The following DIP2C variants were observed in gnomAD, a reference collection of about 807,000 sequenced individuals.
The protein encoded by DIP2C is DIP2 acetate--CoA ligase C (putative), also known as disco-interacting protein 2 homolog C.
DIP2C carries 33 observed loss-of-function variants against 192.4 expected under a neutral mutation model. That is an observed-to-expected ratio of 0.17 (90% CI 0.13 to 0.23). The LOEUF (loss-of-function observed/expected upper bound fraction) is 0.23, where lower values mean the gene tolerates loss of function less well. Ranked by LOEUF, DIP2C falls within the 10% of genes least tolerant of loss-of-function variation. The pLI is 1.00. For synonymous variants in DIP2C, 979 were observed against 864.1 expected (o/e 1.13, Z -2.33); for missense variants, 1,537 against 2,110.1 (o/e 0.73, Z 5.32).
At chr10:505,152 C>T (rs1286986758) in intron 1 of DIP2C, among the ~76,000 whole-genome samples, 3 of 152,154 alleles carry the variant, frequency 2.0e-5, no homozygotes, top group Non-Finnish European at 4.4e-5. Context: ...AAAACGGCAA[C>T]GGGTCCAGTC....
At chr10:526,626 T>C (rs1052674790) in intron 1 of DIP2C, among the ~76,000 whole-genome samples, 13 of 152,180 alleles carry the variant, frequency 8.5e-5, no homozygotes, top group Non-Finnish European at 1.8e-4. Context: ...TTTGAAGAGA[T>C]GGCAGCACGT....
At chr10:316,375 C>T (rs866830116) in intron 31 of DIP2C, among the ~76,000 whole-genome samples, 1 of 152,220 alleles carries the variant, frequency 6.6e-6, no homozygotes, top group Non-Finnish European at 1.5e-5. Flanking sequence ...CTATGCTTCA[C>T]GGCGAGAGAT....
chr10:396,868 C>G (rs550255731), intron 10 of DIP2C, among the ~76,000 whole-genome samples: 1 of 149,858 alleles, frequency 6.7e-6, no homozygotes, highest in African/African-American at 2.5e-5. Flanking sequence ...GGGGGGGAAA[C>G]TGGCATTCTC....
chr10:504,119 C>T (rs1353335090), intron 1 of DIP2C, among the ~76,000 whole-genome samples: 1 of 152,232 alleles, frequency 6.6e-6, no homozygotes, highest in Non-Finnish European at 1.5e-5. Flanking sequence ...CAGCCTTCAA[C>T]CTAACTGCCT....
Position 504,940 on chromosome 10 carries a change from CAT to C in DIP2C, c.86-18412_86-18411del, listed in dbSNP as rs568424951. Among the ~76,000 whole-genome samples the C allele has an allele frequency of 9.6e-4, 146 of 152,294 alleles. 2 individuals carry two copies. Among genetic ancestry groups the C allele is most frequent in the South Asian group, 8.3e-4 (4 of 4,822 alleles). ...ATTTCTCAACACTCCAAGCTGTTTC[CAT>C]ATGAGCTCATGTGACTCTCAGTGCT... On this transcript the variant is annotated intron_variant, in intron 1 of 36. Transcript: ENST00000280886.
chr10:356,302 A>C (rs761926815), intron 24 of DIP2C, 124 bp downstream of exon 24: 1 of 1,153,486 alleles, frequency 8.7e-7, no homozygotes, highest in Non-Finnish European at 1.3e-6. Context: ...AAAATAGCAA[A>C]ACATAAAAAG....
intron 17 of DIP2C, 123 bp downstream of exon 17, chr10:382,524 G>A (rs1378294258): frequency 1.4e-6 from 1 of 691,168 alleles, no homozygotes; most frequent in African/African-American, 1.8e-5. Flanking sequence ...AACTCATCTT[G>A]AAAGGTTAGG....
chr10:315,247 A>G (rs1956727151), intron 31 of DIP2C, among the ~76,000 whole-genome samples: 1 of 152,262 alleles, frequency 6.6e-6, no homozygotes, highest in Admixed American at 6.5e-5. Context: ...TACTTTTAAA[A>G]CAAACTAAAA....
intron 1 of DIP2C, among the ~76,000 whole-genome samples, chr10:576,369 C>T (rs995526265): frequency 2.0e-5 from 3 of 152,324 alleles, no homozygotes; most frequent in East Asian, 1.9e-4. Flanking sequence ...TGTTAAGAAG[C>T]GTTCAGGGTA....
At chr10:568,748 A>G (rs1226044789) in intron 1 of DIP2C, among the ~76,000 whole-genome samples, 6 of 123,828 alleles carry the variant, frequency 4.8e-5, no homozygotes, top group African/African-American at 1.5e-4. Context: ...CCTGGGCGAC[A>G]GAGGGAAACT....
intron 1 of DIP2C, among the ~76,000 whole-genome samples, chr10:674,879 G>A (rs1270131698): frequency 6.7e-6 from 1 of 150,374 alleles, no homozygotes; most frequent in Non-Finnish European, 1.5e-5. Flanking sequence ...CAGCACTGGA[G>A]ATCATCTAGA....
At chr10:599,612 C>T (rs1414265674) in intron 1 of DIP2C, among the ~76,000 whole-genome samples, 4 of 152,262 alleles carry the variant, frequency 2.6e-5, no homozygotes, top group South Asian at 4.1e-4. Context: ...AGGGCAAAAT[C>T]GCAGAGGCTG....
In DIP2C at chr10:536,132, G is replaced by A. The variant is rs140852433; in HGVS notation, c.86-49602C>T. 2.7e-3 allele frequency among the ~76,000 whole-genome samples: 405 copies of A among 152,288 alleles called. 4 individuals carry two copies. Among genetic ancestry groups the A allele is most frequent in the African/African-American group, 8.6e-3 (357 of 41,536 alleles). ...GTGTGGGCAGGGCCGAGCTCCCACC[G>A]CAGGCTCCAAGTGGGATCCTTGCTA... On this transcript the variant is annotated intron_variant, in intron 1 of 36. Coordinates refer to ENST00000280886, the MANE Select transcript of DIP2C (RefSeq NM_014974.3).
At chr10:595,135 A>G (rs1851629577) in intron 1 of DIP2C, among the ~76,000 whole-genome samples, 2 of 152,210 alleles carry the variant, frequency 1.3e-5, no homozygotes, top group Non-Finnish European at 2.9e-5. Flanking sequence ...CCTCTGCAGC[A>G]AAGGCGAGGC....
chr10:477,425 TGG>T (rs1416300191), intron 2 of DIP2C, among the ~76,000 whole-genome samples: 4 of 15,624 alleles, frequency 2.6e-4, no homozygotes, highest in African/African-American at 6.0e-4. Context: ...GGAAGGTGGA[TGG>T]GGGGAGGCAG....
At chr10:308,967 GAA>G (rs1351593561) in intron 32 of DIP2C, among the ~76,000 whole-genome samples, 8 of 152,174 alleles carry the variant, frequency 5.3e-5, no homozygotes, top group Admixed American at 5.2e-4. Flanking sequence ...TGTGCTGATC[GAA>G]AATGCCTCCA....
chr10:665,513 A>T (rs879683410), intron 1 of DIP2C: 2 of 152,228 alleles, frequency 1.3e-5, no homozygotes, highest in Non-Finnish European at 2.9e-5. Context: ...ATAAATTCTA[A>T]GTTCAGTATA....
intron 1 of DIP2C, among the ~76,000 whole-genome samples, chr10:576,907 G>C (rs1850195941): frequency 6.6e-6 from 1 of 151,442 alleles, no homozygotes; most frequent in Admixed American, 6.6e-5. Context: ...GACAGAGCAA[G>C]ATTCTGTCTA....
chr10:433,397 G>A (rs1265805992), intron 4 of DIP2C, among the ~76,000 whole-genome samples: 1 of 152,048 alleles, frequency 6.6e-6, no homozygotes, highest in East Asian at 1.9e-4. Flanking sequence ...AATTAGTGTT[G>A]GCTGGGCAGT....
Sources: gnomAD v4.1 joint callset for allele counts (sites outside exome capture counted in the v4.1 genomes callset) on GRCh38, gnomAD v4.1.1 for gene constraint, MANE v1.5 for transcripts, NCBI Gene and HGNC (gene_info 2026-07-23, HGNC 2026-07-21) for gene names.